Variants in TMC1 observed in about 807,000 individuals in gnomAD.
The protein encoded by TMC1 is transmembrane channel like 1.
TMC1 carries 84 observed loss-of-function variants against 105.8 expected under a neutral mutation model. That is an observed-to-expected ratio of 0.79 (90% confidence interval 0.67 to 0.95). The LOEUF (loss-of-function observed/expected upper bound fraction) is 0.95. Among genes scored for constraint, TMC1 ranks in the 40% least tolerant of loss-of-function variants. The pLI, the probability that TMC1 is intolerant of heterozygous loss-of-function variation, is 0.00. For synonymous variants in TMC1, 315 were observed against 311.5 expected (o/e 1.01, Z -0.12); for missense variants, 817 against 914.1 (o/e 0.89, Z 1.37).
chr9:72,827,058 T>C, intron 21 of TMC1, 64 bp downstream of exon 21: 1 of 1,599,786 alleles, frequency 6.3e-7, no homozygotes, highest in South Asian at 1.1e-5. Context: ...TTTTTACATT[T>C]CAGCTTTTTC....
chr9:72,792,023 A>G lies in TMC1; in HGVS notation c.1362A>G (p.Leu454=), dbSNP rs765094337. 20 of 1,614,112 alleles carry G rather than the reference A, an allele frequency of 1.2e-5. No homozygotes were observed. Among genetic ancestry groups the G allele is most frequent in the Non-Finnish European group, 1.6e-5 (19 of 1,179,994 alleles). ...GRIFALLLGN[L]YVFILALMDE... ...TTTTTGCTCTTCTTTTAGGCAATTTATACGTATTTATTCTTGCATTAATGG... is the reference window on the plus strand; with the variant it reads ...TTTTTGCTCTTCTTTTAGGCAATTTGTACGTATTTATTCTTGCATTAATGG... Residue 454 remains leucine (L), a synonymous_variant, in exon 16 of 24, where the codon TTA becomes TTG. Coordinates refer to ENST00000297784, the MANE Select transcript of TMC1 (RefSeq NM_138691.3).
chr9:72,683,047 A>G (rs990164695), intron 5 of TMC1, among the ~76,000 whole-genome samples: 1 of 152,182 alleles, frequency 6.6e-6, no homozygotes, highest in Non-Finnish European at 1.5e-5. Flanking sequence ...TGCGCCCATG[A>G]TCCAGTCACC....
intron 18 of TMC1, among the ~76,000 whole-genome samples, chr9:72,811,700 A>G (rs12003095): frequency 0.11 from 16,779 of 152,184 alleles, 978 homozygotes; most frequent in Non-Finnish European, 0.13. Flanking sequence ...TAAGGTGATC[A>G]TTGCTCACTC....
intron 4 of TMC1, among the ~76,000 whole-genome samples, chr9:72,638,836 A>C (rs891635623): frequency 9.9e-5 from 15 of 152,178 alleles, no homozygotes; most frequent in Admixed American, 3.3e-4. Context: ...TTTATAGAAA[A>C]CATGCTGCTT....
chr9:72,668,656 TC>T (rs764689594), intron 5 of TMC1, among the ~76,000 whole-genome samples: 95 of 152,336 alleles, frequency 6.2e-4, no homozygotes, highest in Non-Finnish European at 9.6e-4. Flanking sequence ...GGTCCTGAGC[TC>T]TATTACAAGA....
At chr9:72,576,633 C>CTTTTTTTTTTTTCT (rs56821184) in intron 1 of TMC1, among the ~76,000 whole-genome samples, 3 of 113,546 alleles carry the variant, frequency 2.6e-5, no homozygotes, top group Non-Finnish European at 5.5e-5. Flanking sequence ...TTTTTTTTTT[C>CTTTTTTTTTTTTCT]TTTTTTTTTT....
intron 1 of TMC1, among the ~76,000 whole-genome samples, chr9:72,523,387 C>A (rs1823348300): frequency 6.6e-6 from 1 of 152,166 alleles, no homozygotes; most frequent in African/African-American, 2.4e-5. Flanking sequence ...TACCCTCACA[C>A]TTTCCTAACA....
intron 12 of TMC1, among the ~76,000 whole-genome samples, chr9:72,756,422 T>C (rs1478110312): frequency 6.6e-6 from 1 of 152,214 alleles, no homozygotes; most frequent in African/African-American, 2.4e-5. Flanking sequence ...AGTTGGATTT[T>C]ACCTCTCTTT....
chr9:72,600,370 G>C (rs892549597), intron 2 of TMC1, among the ~76,000 whole-genome samples: 30 of 152,196 alleles, frequency 2.0e-4, no homozygotes, highest in Non-Finnish European at 4.1e-4. Flanking sequence ...TGACAGGATT[G>C]TGTATGGAAA....
intron 1 of TMC1, among the ~76,000 whole-genome samples, chr9:72,570,676 CTTTTTTTTTTTTTTTTT>C (rs529953890): frequency 1.7e-3 from 129 of 75,656 alleles, no homozygotes; most frequent in Non-Finnish European, 2.5e-3. Context: ...GCCAAATTTC[CTTTTTTTTTTTTTTTTT>C]TTTTTTTTTT....
intron 7 of TMC1, among the ~76,000 whole-genome samples, chr9:72,697,913 A>G (rs1451802564): frequency 6.6e-6 from 1 of 152,132 alleles, no homozygotes; most frequent in Non-Finnish European, 1.5e-5. Context: ...AAAATATTTC[A>G]ATAAAACTGC....
chr9:72,693,922 T>G, intron 6 of TMC1, among the ~76,000 whole-genome samples: 1 of 151,974 alleles, frequency 6.6e-6, no homozygotes, highest in Admixed American at 6.6e-5. Flanking sequence ...TTTCTATTCA[T>G]AAGAAATAAA....
At chr9:72,572,055 C>G (rs1824296203) in intron 1 of TMC1, among the ~76,000 whole-genome samples, 1 of 152,136 alleles carries the variant, frequency 6.6e-6, no homozygotes, top group Non-Finnish European at 1.5e-5. Context: ...AAGCTGGTCT[C>G]GAACTCCCAA....
At chr9:72,759,450 A>G (rs1328872602) in intron 12 of TMC1, among the ~76,000 whole-genome samples, 3 of 152,200 alleles carry the variant, frequency 2.0e-5, no homozygotes, top group Admixed American at 6.5e-5. Flanking sequence ...ACATTATTCT[A>G]TTTATATTAT....
chr9:72,539,504 A>G (rs1010832433), intron 1 of TMC1, among the ~76,000 whole-genome samples: 5 of 126,324 alleles, frequency 4.0e-5, no homozygotes, highest in African/African-American at 1.5e-4. Flanking sequence ...GACACAACAC[A>G]GCCAAGTTTT....
At position 72,531,338 on chromosome 9, in the gene TMC1, T is replaced by G. The variant is rs142980534; in HGVS notation, c.-428+9425T>G. 6.9e-3 allele frequency among the ~76,000 whole-genome samples: 1,053 copies of G among 152,346 alleles called. 6 individuals carry two copies. The highest frequency in any genetic ancestry group is 0.015 in the African/African-American group (632 of 41,586). On this transcript the variant is annotated intron_variant, in intron 1 of 23. Transcript: ENST00000297784. The stretch of plus-strand genomic sequence containing the variant: ...GTTACTTTTGATTGTGTGCTAGACA[T>G]TGTTTTTGGCAAATAATTTTTTAAA...
chr9:72,727,274 A>G (rs963859328), intron 8 of TMC1, among the ~76,000 whole-genome samples: 1 of 152,172 alleles, frequency 6.6e-6, no homozygotes, highest in Non-Finnish European at 1.5e-5. Context: ...GCTGTCTTGC[A>G]TTGTTATGTA....
intron 12 of TMC1, among the ~76,000 whole-genome samples, chr9:72,758,095 C>T (rs993879813): frequency 5.3e-5 from 8 of 152,074 alleles, no homozygotes; most frequent in African/African-American, 1.9e-4. Context: ...GAAAATAATA[C>T]TGCTTTAAGG....
At chr9:72,594,755 G>A (rs1003965042) in intron 2 of TMC1, among the ~76,000 whole-genome samples, 32 of 152,002 alleles carry the variant, frequency 2.1e-4, no homozygotes, top group Non-Finnish European at 3.2e-4. Context: ...AATGTTGGGG[G>A]AATTTTGAAA....
Sources: allele counts gnomAD v4.1 joint callset (sites outside exome capture counted in the v4.1 genomes callset), GRCh38; gene constraint gnomAD v4.1.1; transcripts MANE v1.5; gene names NCBI Gene and HGNC (gene_info 2026-07-23, HGNC 2026-07-21).